PCDHGA2: variants seen among roughly 807,000 people sequenced by gnomAD.
PCDHGA2 encodes protocadherin gamma-A2.
A neutral mutation model predicts 59.2 loss-of-function variants in PCDHGA2; 40 were observed. The ratio of observed to expected loss-of-function variants is 0.68; its 90% CI spans 0.52 to 0.88. The LOEUF (loss-of-function observed/expected upper bound fraction) is 0.88, where lower values mean the gene tolerates loss of function less well. Ranked by LOEUF, PCDHGA2 falls within the 40% of genes least tolerant of loss-of-function variation. The pLI is 0.00. For synonymous variants in PCDHGA2, 560 were observed against 526.0 expected (o/e 1.06, Z -0.89); for missense variants, 1,226 against 1,204.0 (o/e 1.02, Z -0.27).
Position 141,476,715 on chromosome 5 carries a change from G to C in PCDHGA2, c.2425-18092G>C. 6.2e-7 allele frequency: 1 copy of C among 1,614,168 alleles called. No individual in the cohort carries two copies. The highest frequency in any genetic ancestry group is 8.5e-7 in the Non-Finnish European group (1 of 1,180,030). On this transcript the variant is annotated intron_variant, in intron 1 of 3. Transcript: ENST00000394576. The surrounding 1 kb of genome is among the most constrained non-coding windows in gnomAD (Gnocchi z 7.6). ...AAGTACGCGGAGCTGGTGTTGGAGC[G>C]CGCCCTGGACCGAGAACGGGAGCCT...
intron 1 of PCDHGA2, chr5:141,418,214 G>A: frequency 6.2e-7 from 1 of 1,614,064 alleles, no homozygotes; most frequent in Non-Finnish European, 8.5e-7. Flanking sequence ...TATTTTTCAT[G>A]TCATTGTGGT....
At chr5:141,382,467 A>G (rs992224398) in intron 1 of PCDHGA2, among the ~76,000 whole-genome samples, 1 of 152,262 alleles carries the variant, frequency 6.6e-6, no homozygotes, top group Non-Finnish European at 1.5e-5. Flanking sequence ...TTTTTTAAAA[A>G]TTATCTAAGA....
rs771759945 is a variant in PCDHGA2, at chr5:141,405,371, G to A, written c.2424+63976G>A. 49 of 1,598,874 alleles carry A rather than the reference G, an allele frequency of 3.1e-5. No individual in the cohort carries two copies. The highest frequency in any genetic ancestry group is 3.7e-5 in the Non-Finnish European group (43 of 1,176,096). ...GTTTCCTATAGAAGACACCCCTTTG[G>A]TTCCGGTGAGTTCATTTTTTTTCTT... On this transcript the variant is annotated intron_variant, in intron 1 of 3. Transcript: ENST00000394576.
intron 1 of PCDHGA2, chr5:141,346,114 T>G: frequency 6.2e-7 from 1 of 1,613,878 alleles, no homozygotes; most frequent in Non-Finnish European, 8.5e-7. Flanking sequence ...CTGTACCTGG[T>G]GGTGGCGGTG....
At chr5:141,482,673 G>A (rs1278135239) in intron 1 of PCDHGA2, among the ~76,000 whole-genome samples, 1 of 152,156 alleles carries the variant, frequency 6.6e-6, no homozygotes, top group Non-Finnish European at 1.5e-5. Context: ...TAAAGGTTGA[G>A]TAGTAGCTTG....
chr5:141,356,640 C>A (rs758426819), intron 1 of PCDHGA2: 1 of 1,614,164 alleles, frequency 6.2e-7, no homozygotes, highest in Non-Finnish European at 8.5e-7. Flanking sequence ...AAGACCCTGA[C>A]AGTGGTGACA....
chr5:141,383,137 C>A (rs750687055), intron 1 of PCDHGA2: 1 of 1,614,112 alleles, frequency 6.2e-7, no homozygotes, highest in Non-Finnish European at 8.5e-7. Flanking sequence ...CCTGAACCAG[C>A]GCAGCGGCAG....
intron 1 of PCDHGA2, chr5:141,395,196 G>A (rs1431851304): frequency 5.0e-6 from 8 of 1,613,948 alleles, no homozygotes; most frequent in Admixed American, 1.7e-5. Flanking sequence ...GTTAACATCC[G>A]TAGATTTTCA....
chr5:141,486,894 C>T lies in PCDHGA2; in HGVS notation c.2425-7913C>T. 1 of 1,614,228 alleles carries T rather than the reference C, an allele frequency of 6.2e-7. No homozygotes were observed. Among genetic ancestry groups the T allele is most frequent in the Non-Finnish European group, 8.5e-7 (1 of 1,180,052 alleles). On this transcript the variant is annotated intron_variant, in intron 1 of 3. Transcript: ENST00000394576. The surrounding 1 kb of genome is among the most constrained non-coding windows in gnomAD (Gnocchi z 5.0). ...CTCCGTCCTCGGGCCCGGCCTGGTT[C>T]CTTATGTCCCCAAGCACTGCCTCCA...
chr5:141,367,460 C>A (rs1765144116), intron 1 of PCDHGA2: 1 of 152,002 alleles, frequency 6.6e-6, no homozygotes, highest in African/African-American at 2.4e-5. Flanking sequence ...TGGGGTGAAC[C>A]CGGGAGGAGG....
intron 1 of PCDHGA2, chr5:141,360,593 C>T (rs1007653206): frequency 6.2e-7 from 1 of 1,613,930 alleles, no homozygotes; most frequent in Non-Finnish European, 8.5e-7. Context: ...ACAACATTTC[C>T]ACTTGACCCA....
At chr5:141,414,587 G>A (rs775783880) in intron 1 of PCDHGA2, 5 of 1,613,828 alleles carry the variant, frequency 3.1e-6, no homozygotes, top group Non-Finnish European at 8.5e-7. Context: ...AACAACGCCA[G>A]GGGTGCCTCC....
At chr5:141,387,323 G>T (rs2090908841) in intron 1 of PCDHGA2, among the ~76,000 whole-genome samples, 1 of 152,154 alleles carries the variant, frequency 6.6e-6, no homozygotes, top group South Asian at 2.1e-4. Context: ...AGTAAGTATG[G>T]AAAATTACTG....
In PCDHGA2 at chr5:141,509,418, A is replaced by G. The variant is rs767758113; in HGVS notation, c.2573-1529A>G. Among the ~76,000 whole-genome samples the G allele has an allele frequency of 2.6e-5, 4 of 152,188 alleles. No individual in the cohort carries two copies. The South Asian group carries it at 6.2e-4, about 24-fold the overall frequency. ...TCAGGGCCTCCAGCAGCGAGCCCCA[A>G]TGAGTCAAACTCTTGTTTCCTCCTC... On this transcript the variant is annotated intron_variant, in intron 3 of 3. Transcript: ENST00000394576.
At chr5:141,364,856 C>T (rs748996283) in intron 1 of PCDHGA2, 1 of 1,614,006 alleles carries the variant, frequency 6.2e-7, no homozygotes, top group South Asian at 1.1e-5. Context: ...CAGCTCCAAT[C>T]TGCACTTCTC....
At chr5:141,389,062 T>G (rs991150761) in intron 1 of PCDHGA2, 1 of 1,613,856 alleles carries the variant, frequency 6.2e-7, no homozygotes, top group African/African-American at 1.3e-5. Context: ...TTTAAAATAT[T>G]AACTTCTTCA....
intron 1 of PCDHGA2, chr5:141,364,398 T>TG: frequency 6.2e-6 from 10 of 1,605,684 alleles, no homozygotes; most frequent in Non-Finnish European, 7.7e-6. Flanking sequence ...CTGGGGACGC[T>TG]GTGCGAGCCA....
At chr5:141,465,150 G>A (rs192648619) in intron 1 of PCDHGA2, among the ~76,000 whole-genome samples, 474 of 151,492 alleles carry the variant, frequency 3.1e-3, no homozygotes, top group Middle Eastern at 0.024. Context: ...GATATATGAA[G>A]GGACTCTAAA....
At chr5:141,459,632 A>G (rs1202000974) in intron 1 of PCDHGA2, among the ~76,000 whole-genome samples, 1 of 152,214 alleles carries the variant, frequency 6.6e-6, no homozygotes, top group East Asian at 1.9e-4. Flanking sequence ...AAGCTGCCAA[A>G]CTATTTTTCA....
Sources: allele counts gnomAD v4.1 joint callset (sites outside exome capture counted in the v4.1 genomes callset), GRCh38; gene constraint gnomAD v4.1.1; non-coding constraint Gnocchi (gnomAD v3.1); transcripts MANE v1.5; gene names NCBI Gene and HGNC (gene_info 2026-07-23, HGNC 2026-07-21).